SFMBT2: variants seen among roughly 807,000 people sequenced by gnomAD.
SFMBT2 encodes the protein Scm like with four mbt domains 2.
SFMBT2 carries 38 observed loss-of-function variants against 110.1 expected under a neutral mutation model. The ratio of observed to expected loss-of-function variants is 0.35; its 90% CI spans 0.27 to 0.45. SFMBT2 has a LOEUF of 0.45. Among genes scored for constraint, SFMBT2 ranks in the 20% least tolerant of loss-of-function variants. The pLI, the probability that SFMBT2 is intolerant of heterozygous loss-of-function variation, is 1.00. For missense variants in SFMBT2, 1,011 were observed against 1,094.9 expected, an observed-to-expected ratio of 0.92 and a Z score of 1.08; for synonymous variants, 425 against 425.4, an observed-to-expected ratio of 1.00 and a Z score of 0.01.
At chr10:7,206,463 C>T (rs1362723036) in intron 11 of SFMBT2, 1 of 985,282 alleles carries the variant, frequency 1.0e-6, no homozygotes, top group Non-Finnish European at 1.2e-6. Flanking sequence ...GGTTTATGAG[C>T]AGTGTACGTG....
At chr10:7,178,825 C>A (rs1362132884) in intron 16 of SFMBT2, among the ~76,000 whole-genome samples, 1 of 152,182 alleles carries the variant, frequency 6.6e-6, no homozygotes, top group African/African-American at 2.4e-5. Context: ...TGGCTGAAAA[C>A]ACAAGCACTT....
At chr10:7,385,823 C>T (rs974153368) in intron 1 of SFMBT2, among the ~76,000 whole-genome samples, 1 of 152,214 alleles carries the variant, frequency 6.6e-6, no homozygotes, top group East Asian at 1.9e-4. Context: ...CACGGTGAAA[C>T]CCCGTCTCTA....
At chr10:7,284,332 C>A (rs1842029233) in intron 5 of SFMBT2, 182 bp from the exon 6 acceptor site, 2 of 1,418,920 alleles carry the variant, frequency 1.4e-6, no homozygotes, top group Non-Finnish European at 1.8e-6. Context: ...TCCTCCCTCC[C>A]ACACATCCAT....
intron 4 of SFMBT2, among the ~76,000 whole-genome samples, chr10:7,357,022 C>T (rs552536955): frequency 4.6e-4 from 70 of 152,300 alleles, no homozygotes; most frequent in Admixed American, 1.3e-3. Flanking sequence ...GCATTTACTT[C>T]GCAATCTCTC....
intron 4 of SFMBT2, among the ~76,000 whole-genome samples, chr10:7,304,006 C>T (rs991687824): frequency 2.0e-5 from 3 of 152,174 alleles, no homozygotes; most frequent in Non-Finnish European, 2.9e-5. Context: ...CAGGAGCCCA[C>T]GATAAATGAA....
chr10:7,222,969 T>A (rs1411898734), intron 10 of SFMBT2, among the ~76,000 whole-genome samples: 2 of 152,156 alleles, frequency 1.3e-5, no homozygotes, highest in Non-Finnish European at 2.9e-5. Context: ...TCTTTTCTTA[T>A]AAGGACGCCA....
At chr10:7,246,964 C>T (rs1289688054) in intron 8 of SFMBT2, among the ~76,000 whole-genome samples, 1 of 152,038 alleles carries the variant, frequency 6.6e-6, no homozygotes, top group Non-Finnish European at 1.5e-5. Flanking sequence ...TGACAGGATA[C>T]ACAGTAAAGA....
intron 2 of SFMBT2, among the ~76,000 whole-genome samples, chr10:7,377,837 G>A (rs1197657566): frequency 6.6e-6 from 1 of 152,204 alleles, no homozygotes; most frequent in Non-Finnish European, 1.5e-5. Flanking sequence ...ACCAATCTGT[G>A]GCCGGGGGGT....
intron 4 of SFMBT2, among the ~76,000 whole-genome samples, chr10:7,339,574 G>T (rs1447970904): frequency 1.3e-5 from 2 of 152,170 alleles, no homozygotes; most frequent in Non-Finnish European, 2.9e-5. Context: ...CTTCAATTCA[G>T]AGCTGTGATC....
At position 7,313,784 on chromosome 10, in the gene SFMBT2, G is replaced by C. The variant is rs148336135; in HGVS notation, c.437-27830C>G. On this transcript the variant is annotated intron_variant, in intron 4 of 20. Coordinates refer to ENST00000397167, the MANE Select transcript of SFMBT2 (RefSeq NM_001387889.1). ...AGGTGTGAGCCACCATGTCCAGCCA[G>C]GTTGTAAGATGGTTGAGTGAAACCA... 1.9e-4 allele frequency among the ~76,000 whole-genome samples: 29 copies of C among 152,308 alleles called. 1 individual carries two copies. The highest frequency in any genetic ancestry group is 3.4e-3 in the Middle Eastern group (1 of 294).
intron 7 of SFMBT2, among the ~76,000 whole-genome samples, chr10:7,257,859 C>A (rs1394827406): frequency 6.6e-6 from 1 of 152,128 alleles, no homozygotes; most frequent in Non-Finnish European, 1.5e-5. Context: ...TTAATTAATA[C>A]AACAAAATTA....
intron 2 of SFMBT2, among the ~76,000 whole-genome samples, chr10:7,380,605 G>A (rs1281053684): frequency 6.6e-6 from 1 of 151,808 alleles, no homozygotes. Flanking sequence ...CAACTCAGAG[G>A]ACTAAACTGT....
chr10:7,381,066 T>C lies in SFMBT2; in HGVS notation c.100+733A>G, dbSNP rs370025585. Among the ~76,000 whole-genome samples, 284 of 141,656 alleles carry C rather than the reference T, an allele frequency of 2.0e-3. 2 individuals carry two copies. Among genetic ancestry groups the C allele is most frequent in the African/African-American group, 7.8e-3 (269 of 34,282 alleles). 92.9% of individuals were successfully genotyped at this position (141,656 alleles called of 152,430 possible). A position where few individuals can be genotyped will look rare whatever the true frequency, so the allele number is the denominator to read the frequency against. On this transcript the variant is annotated intron_variant, in intron 2 of 20. Transcript: ENST00000397167. ...CTGTCTCAAAACACACACACACACA[T>C]ACACACATACATACATACATACATA... is the stretch of plus-strand genomic sequence containing the variant.
intron 4 of SFMBT2, chr10:7,320,683 A>C: frequency 1.1e-6 from 1 of 904,072 alleles, no homozygotes. Flanking sequence ...CAGATGAAGA[A>C]AGTAAAGTTT....
intron 16 of SFMBT2, among the ~76,000 whole-genome samples, chr10:7,177,495 G>A (rs7081404): frequency 0.078 from 11,823 of 152,142 alleles, 907 homozygotes; most frequent in African/African-American, 0.2. Context: ...TTGAAGATGG[G>A]GCTTTCAATG....
intron 15 of SFMBT2, among the ~76,000 whole-genome samples, chr10:7,195,724 C>T (rs917974472): frequency 4.0e-4 from 61 of 152,276 alleles, no homozygotes; most frequent in Non-Finnish European, 2.1e-4. Flanking sequence ...CCACCTGTTC[C>T]GCAGTCCCCA....
intron 4 of SFMBT2, among the ~76,000 whole-genome samples, chr10:7,317,922 A>C (rs1017405559): frequency 6.6e-6 from 1 of 152,262 alleles, no homozygotes; most frequent in African/African-American, 2.4e-5. Flanking sequence ...CCAAAAAATC[A>C]GCAAGTCATA....
At chr10:7,290,339 T>C (rs77103019) in intron 4 of SFMBT2, among the ~76,000 whole-genome samples, 2,370 of 152,182 alleles carry the variant, frequency 0.016, 30 homozygotes, top group Middle Eastern at 0.051. Context: ...TATAATATTA[T>C]ATAAGCATTC....
intron 4 of SFMBT2, among the ~76,000 whole-genome samples, chr10:7,362,496 A>C (rs1270394317): frequency 6.6e-6 from 1 of 152,234 alleles, no homozygotes; most frequent in African/African-American, 2.4e-5. Flanking sequence ...CTTTCTTTCA[A>C]TGCAGTGACT....
Sources: allele counts gnomAD v4.1 joint callset (sites outside exome capture counted in the v4.1 genomes callset), GRCh38; gene constraint gnomAD v4.1.1; transcripts MANE v1.5; gene names NCBI Gene and HGNC (gene_info 2026-07-23, HGNC 2026-07-21).